Variants in KIAA0513 observed in about 807,000 individuals in gnomAD.
The protein encoded by KIAA0513 is uncharacterized protein KIAA0513.
A neutral mutation model predicts 56.5 loss-of-function variants in KIAA0513; 39 were observed. That is an observed-to-expected ratio of 0.69 (90% CI 0.53 to 0.90). The LOEUF (loss-of-function observed/expected upper bound fraction) is 0.90. Ranked by LOEUF, KIAA0513 falls within the 40% of genes least tolerant of loss-of-function variation. KIAA0513 has a pLI of 0.00. For missense variants in KIAA0513, 591 were observed against 535.2 expected (o/e 1.10, Z -1.03); for synonymous variants, 268 against 215.6 (o/e 1.24, Z -2.13).
At chr16:85,059,800 C>T (rs1162453079) in intron 1 of KIAA0513, among the ~76,000 whole-genome samples, 1 of 152,200 alleles carries the variant, frequency 6.6e-6, no homozygotes, top group Non-Finnish European at 1.5e-5. Flanking sequence ...AGGACCATAA[C>T]CTATTTCCCC....
intron 2 of KIAA0513, among the ~76,000 whole-genome samples, chr16:85,068,482 G>A (rs943836417): frequency 6.6e-5 from 10 of 151,962 alleles, no homozygotes; most frequent in Admixed American, 3.9e-4. Flanking sequence ...ACAGGTGCCC[G>A]CCACCACACC....
intron 1 of KIAA0513, among the ~76,000 whole-genome samples, chr16:85,056,402 C>A (rs2073330100): frequency 6.6e-6 from 1 of 152,210 alleles, no homozygotes; most frequent in African/African-American, 2.4e-5. Flanking sequence ...TACCACACTG[C>A]AGCGGTAGCT....
chr16:85,065,958 C>G (rs1456710620), intron 1 of KIAA0513, among the ~76,000 whole-genome samples: 11 of 152,238 alleles, frequency 7.2e-5, no homozygotes, highest in Admixed American at 6.5e-4. Flanking sequence ...CTTCGTTCAG[C>G]AAGCACACGA....
In KIAA0513 at chr16:85,072,927, C is replaced by G; in HGVS notation, c.432C>G (p.Arg144=). 1 of 1,614,176 alleles carries G rather than the reference C, an allele frequency of 6.2e-7. No homozygotes were observed. The highest frequency in any genetic ancestry group is 8.5e-7 in the Non-Finnish European group (1 of 1,179,984). The part of the protein sequence containing the change: ...EWFARYVSAQ[R]CNSKCVSEAT... ...TGTGTCTGCCTCTTTCTGGACAGCG[C>G]TGCAACTCCAAGTGTGTCTCAGAGG... Residue 144 remains arginine, a splice_region_variant and synonymous_variant, in exon 4 of 13, where the codon CGC becomes CGG. Coordinates refer to ENST00000683363, the MANE Select transcript of KIAA0513 (RefSeq NM_001388359.1).
At chr16:85,051,622 C>T (rs573887649) in intron 1 of KIAA0513, among the ~76,000 whole-genome samples, 1 of 152,160 alleles carries the variant, frequency 6.6e-6, no homozygotes, top group African/African-American at 2.4e-5. Context: ...TCTCTACTTC[C>T]TCTCACACAG....
At chr16:85,087,622 G>A (rs1174098420) in intron 12 of KIAA0513, among the ~76,000 whole-genome samples, 1 of 152,264 alleles carries the variant, frequency 6.6e-6, no homozygotes. Flanking sequence ...TCTGGCTTCT[G>A]TGACAGCAGG....
chr16:85,084,056 ATTTTTT>A (rs66814882), intron 10 of KIAA0513, among the ~76,000 whole-genome samples: 2 of 70,770 alleles, frequency 2.8e-5, no homozygotes, highest in Non-Finnish European at 2.6e-5. Flanking sequence ...AACTCTTCTA[ATTTTTT>A]TTTTTTTTTT....
rs144297424 is a variant in KIAA0513 at position 85,039,808 on chromosome 16, A to T, written c.-173+11950A>T. 5.2e-4 allele frequency among the ~76,000 whole-genome samples: 79 copies of T among 151,038 alleles called. No individual in the cohort carries two copies. The East Asian group carries it at 0.015, about 29-fold the overall frequency. On this transcript the variant is annotated intron_variant, in intron 1 of 12. Transcript: ENST00000683363. ...TTATTGGGTTTGGTTTTTCCGGATG[A>T]TGCTGATACCAAAGAAAGAAAGGTT...
chr16:85,036,046 C>A (rs1345514070), intron 1 of KIAA0513, among the ~76,000 whole-genome samples: 1 of 151,718 alleles, frequency 6.6e-6, no homozygotes, highest in Non-Finnish European at 1.5e-5. Context: ...CACTTCTGGG[C>A]TCAAGCAATC....
chr16:85,047,871 C>G (rs3803637), intron 1 of KIAA0513, among the ~76,000 whole-genome samples: 60,668 of 151,986 alleles, frequency 0.4, 13,479 homozygotes, highest in African/African-American at 0.6. Flanking sequence ...ACTTCAAATT[C>G]TGGTCTTCAA....
chr16:85,032,295 AG>A (rs1190368397), intron 1 of KIAA0513, among the ~76,000 whole-genome samples: 1 of 152,176 alleles, frequency 6.6e-6, no homozygotes, highest in African/African-American at 2.4e-5. Flanking sequence ...TCCTCTTAAA[AG>A]GGCACCAGTC....
chr16:85,070,662 A>C (rs1412830175), intron 2 of KIAA0513, among the ~76,000 whole-genome samples: 1 of 152,258 alleles, frequency 6.6e-6, no homozygotes, highest in East Asian at 1.9e-4. Context: ...TGCGCAAGAC[A>C]GAGCGAGACT....
intron 2 of KIAA0513, among the ~76,000 whole-genome samples, chr16:85,069,295 C>G (rs996803702): frequency 1.1e-4 from 16 of 151,762 alleles, no homozygotes; most frequent in African/African-American, 2.9e-4. Flanking sequence ...ACCACAGCCT[C>G]AAACTTCTGG....
rs528350519 is a variant in KIAA0513 at position 85,078,858 on chromosome 16, A to G, written c.824-67A>G. 23 of 1,539,796 alleles carry G rather than the reference A, an allele frequency of 1.5e-5. No homozygotes were observed. The African/African-American group carries it at 3.1e-4, about 21-fold the overall frequency. The stretch of plus-strand genomic sequence containing the variant: ...AGAAACTGGCTGCTGGGAGGCTGTC[A>G]CCCGGGGTTTGCCAACAGTGGGTGC... On this transcript the variant is annotated intron_variant, in intron 7 of 12. Transcript: ENST00000683363.
chr16:85,052,824 C>T (rs770174984), intron 1 of KIAA0513, among the ~76,000 whole-genome samples: 9 of 152,166 alleles, frequency 5.9e-5, no homozygotes, highest in South Asian at 4.1e-4. Flanking sequence ...TCAGCAAGCG[C>T]GCCCTCAAGC....
At chr16:85,051,414 A>G (rs1271350968) in intron 1 of KIAA0513, among the ~76,000 whole-genome samples, 1 of 152,230 alleles carries the variant, frequency 6.6e-6, no homozygotes, top group Non-Finnish European at 1.5e-5. Context: ...ATGTTATCTC[A>G]GAAGAGAAAT....
chr16:85,079,043 A>T (rs921955454), intron 8 of KIAA0513, 40 bp downstream of exon 8: 1 of 1,613,878 alleles, frequency 6.2e-7, no homozygotes, highest in African/African-American at 1.3e-5. Context: ...CCTCTTACTG[A>T]CGGGGCCAGC....
At chr16:85,085,611 G>T (rs900878340) in intron 10 of KIAA0513, among the ~76,000 whole-genome samples, 1 of 152,240 alleles carries the variant, frequency 6.6e-6, no homozygotes, top group Non-Finnish European at 1.5e-5. Flanking sequence ...GGTGTCCAGG[G>T]AGTTGTGTAA....
chr16:85,045,463 C>G (rs528535978), intron 1 of KIAA0513, among the ~76,000 whole-genome samples: 1 of 152,220 alleles, frequency 6.6e-6, no homozygotes, highest in African/African-American at 2.4e-5. Flanking sequence ...TCAAGTGATT[C>G]TCCTGCCTCA....
Sources: allele counts gnomAD v4.1 joint callset (sites outside exome capture counted in the v4.1 genomes callset), GRCh38; gene constraint gnomAD v4.1.1; transcripts MANE v1.5; gene names NCBI Gene and HGNC (gene_info 2026-07-23, HGNC 2026-07-21).